Variants in SCFD2 observed in about 807,000 individuals in gnomAD.
SCFD2 encodes sec1 family domain containing 2, also known as sec1 family domain-containing protein 2.
Under a neutral mutation model 58.9 loss-of-function variants are expected in SCFD2, and 54 were observed. That is an observed-to-expected ratio of 0.92 (90% CI 0.74 to 1.15). The LOEUF (loss-of-function observed/expected upper bound fraction) is 1.15. Among genes scored for constraint, SCFD2 ranks in the 50% most tolerant of loss-of-function variants. SCFD2 has a pLI of 0.00. For missense variants in SCFD2, 805 were observed against 836.6 expected (o/e 0.96, Z 0.47); for synonymous variants, 321 against 335.9 (o/e 0.96, Z 0.49).
At chr4:52,877,324 A>G (rs1390651075) in intron 8 of SCFD2, among the ~76,000 whole-genome samples, 1 of 152,100 alleles carries the variant, frequency 6.6e-6, no homozygotes, top group African/African-American at 2.4e-5. Context: ...GTGAAAAGAA[A>G]CAGATGGAAA....
chr4:53,252,759 A>G (rs1333894457), intron 4 of SCFD2, among the ~76,000 whole-genome samples: 2 of 152,228 alleles, frequency 1.3e-5, no homozygotes, highest in African/African-American at 4.8e-5. Context: ...AAAGACTTAA[A>G]CATTAGACCT....
chr4:53,114,525 G>A (rs1447595874), intron 5 of SCFD2, among the ~76,000 whole-genome samples: 2 of 152,090 alleles, frequency 1.3e-5, no homozygotes, highest in African/African-American at 2.4e-5. Flanking sequence ...CCAGAAATTT[G>A]ATTTGAATAA....
intron 2 of SCFD2, among the ~76,000 whole-genome samples, chr4:53,348,477 C>A (rs537746710): frequency 3.9e-5 from 6 of 152,266 alleles, no homozygotes; most frequent in East Asian, 3.9e-4. Context: ...TATTTCAATT[C>A]TTCTTTTGCA....
chr4:53,200,873 T>A (rs1260300666), intron 4 of SCFD2, among the ~76,000 whole-genome samples: 2 of 151,996 alleles, frequency 1.3e-5, no homozygotes, highest in South Asian at 4.1e-4. Context: ...GCACATTAAA[T>A]TTTTCACTAA....
intron 5 of SCFD2, among the ~76,000 whole-genome samples, chr4:53,111,243 G>A (rs1271458635): frequency 6.6e-6 from 1 of 151,886 alleles, no homozygotes; most frequent in Non-Finnish European, 1.5e-5. Flanking sequence ...GTAGGTGATG[G>A]GTTGATGGGT....
At position 53,060,444 on chromosome 4, in the gene SCFD2, A is replaced by G. The variant is rs1310798326; in HGVS notation, c.1561+84889T>C. Reference sequence around the variant, plus strand: ...CAAGAGGTTGAAAGATGCTTATTATACACATGAAACTTAGATCTCTGTACT... The same window carrying G: ...CAAGAGGTTGAAAGATGCTTATTATGCACATGAAACTTAGATCTCTGTACT... On this transcript the variant is annotated intron_variant, in intron 5 of 8. Transcript: ENST00000401642. Among the ~76,000 whole-genome samples the G allele has an allele frequency of 2.6e-5, 4 of 152,270 alleles. No individual in the cohort carries two copies. In the East Asian group the frequency reaches 7.7e-4, roughly 29 times the overall value.
At chr4:53,200,394 T>C (rs1402554216) in intron 4 of SCFD2, among the ~76,000 whole-genome samples, 2 of 151,996 alleles carry the variant, frequency 1.3e-5, no homozygotes, top group Admixed American at 6.6e-5. Context: ...CTGTAGAATA[T>C]AAGTAGCACT....
At position 53,312,983 on chromosome 4, in the gene SCFD2, C is replaced by T. The variant is rs186512458; in HGVS notation, c.1135+653G>A. 4.3e-4 allele frequency among the ~76,000 whole-genome samples: 65 copies of T among 151,366 alleles called. No individual in the cohort carries two copies. In the East Asian group the frequency reaches 8.9e-3, roughly 21 times the overall value. On this transcript the variant is annotated intron_variant, in intron 3 of 8. Coordinates refer to ENST00000401642, the MANE Select transcript of SCFD2 (RefSeq NM_152540.4). The stretch of plus-strand genomic sequence containing the variant: ...AGCCAAATTTTTTTTCTAAAATCAA[C>T]GCATTACTTCTGTGGTTCTCTGACT...
intron 4 of SCFD2, among the ~76,000 whole-genome samples, chr4:53,165,640 G>A (rs1200369397): frequency 1.3e-5 from 2 of 152,118 alleles, no homozygotes; most frequent in East Asian, 3.9e-4. Context: ...TTTCTCTATA[G>A]TCCTTTTCAC....
At chr4:52,882,171 A>G (rs1470542825) in intron 8 of SCFD2, among the ~76,000 whole-genome samples, 2 of 152,168 alleles carry the variant, frequency 1.3e-5, no homozygotes, top group Non-Finnish European at 2.9e-5. Flanking sequence ...TTCACAGGGT[A>G]AGAGTGGGGT....
At chr4:53,065,560 G>T (rs1723639854) in intron 5 of SCFD2, among the ~76,000 whole-genome samples, 1 of 151,984 alleles carries the variant, frequency 6.6e-6, no homozygotes, top group African/African-American at 2.4e-5. Context: ...GACATTAATT[G>T]TTATTCTGTT....
chr4:53,313,586 G>C (rs751027288), intron 3 of SCFD2, 50 bp downstream of exon 3: 1 of 1,610,836 alleles, frequency 6.2e-7, no homozygotes, highest in Admixed American at 1.7e-5. Context: ...TTCAGAACAG[G>C]TTTAAATAAG....
rs1278085578 is a variant in SCFD2 at position 53,256,048 on chromosome 4, G to A, written c.1311+17778C>T. On this transcript the variant is annotated intron_variant, in intron 4 of 8. Coordinates refer to ENST00000401642, the MANE Select transcript of SCFD2 (RefSeq NM_152540.4). ...CCCCCACCTCCCTTCCGGACGGGGC[G>A]GCTGGCCTGGTGGGGGCTGACCCCC... Among the ~76,000 whole-genome samples, 401 of 150,424 alleles carry A rather than the reference G, an allele frequency of 2.7e-3. 2 individuals are homozygous for A. Among genetic ancestry groups the A allele is most frequent in the African/African-American group, 9.3e-3 (381 of 41,008 alleles).
chr4:53,167,762 G>C (rs1031507828), intron 4 of SCFD2, among the ~76,000 whole-genome samples: 60 of 152,066 alleles, frequency 3.9e-4, no homozygotes, highest in Admixed American at 7.2e-4. Context: ...GGAAAGAGGA[G>C]AGTTCTTTCT....
rs1212597716 is a variant in SCFD2, at chr4:53,034,475, G to A, written c.1561+110858C>T. ...CACAGTGTTGGAAATTCTGGCCAGGGCAATCAGGCAAGAGAATGAAATAAA... is the reference window on the plus strand; with the variant it reads ...CACAGTGTTGGAAATTCTGGCCAGGACAATCAGGCAAGAGAATGAAATAAA... On this transcript the variant is annotated intron_variant, in intron 5 of 8. Coordinates refer to ENST00000401642, the MANE Select transcript of SCFD2 (RefSeq NM_152540.4). 2.0e-5 allele frequency among the ~76,000 whole-genome samples: 3 copies of A among 152,096 alleles called. No homozygotes were observed. The East Asian group carries it at 5.8e-4, about 29-fold the overall frequency.
chr4:53,169,197 G>A (rs553805578), intron 4 of SCFD2, among the ~76,000 whole-genome samples: 8 of 152,062 alleles, frequency 5.3e-5, no homozygotes, highest in South Asian at 2.1e-4. Flanking sequence ...CCAACATGGC[G>A]AAACCCCATC....
chr4:53,044,520 C>CCTTCCTTCCTTCCTTCCTTCCTT (rs1722979369), intron 5 of SCFD2, among the ~76,000 whole-genome samples: 1 of 142,990 alleles, frequency 7.0e-6, no homozygotes, highest in African/African-American at 2.9e-5. Context: ...CTTCCTTCCT[C>CCTTCCTTCCTTCCTTCCTTCCTT]CCTCCCTCTC....
intron 4 of SCFD2, among the ~76,000 whole-genome samples, chr4:53,222,267 T>A (rs552146003): frequency 4.5e-4 from 68 of 152,344 alleles, no homozygotes; most frequent in Non-Finnish European, 8.2e-4. Context: ...AAATCTTGGT[T>A]TTGAAACACG....
chr4:53,230,152 G>C (rs368680928), intron 4 of SCFD2, among the ~76,000 whole-genome samples: 1 of 152,124 alleles, frequency 6.6e-6, no homozygotes, highest in Non-Finnish European at 1.5e-5. Context: ...GGAGAAATAG[G>C]AACACTTTTA....
Sources: allele counts gnomAD v4.1 joint callset (sites outside exome capture counted in the v4.1 genomes callset), GRCh38; gene constraint gnomAD v4.1.1; transcripts MANE v1.5; gene names NCBI Gene and HGNC (gene_info 2026-07-23, HGNC 2026-07-21).